INPP5A: variants seen among roughly 807,000 people sequenced by gnomAD.
INPP5A encodes inositol polyphosphate-5-phosphatase A.
Under a neutral mutation model 65.2 loss-of-function variants are expected in INPP5A, and 14 were observed. The observed-to-expected ratio is 0.21, with a 90% confidence interval of 0.14 to 0.34. INPP5A has a LOEUF of 0.34. INPP5A is among the 10% of genes least tolerant of loss of function. INPP5A has a pLI of 1.00. For synonymous variants in INPP5A, 207 were observed against 208.3 expected (o/e 0.99, Z 0.05); for missense variants, 431 against 545.6 (o/e 0.79, Z 2.09).
At chr10:132,748,059 T>A (rs1846403541) in intron 9 of INPP5A, among the ~76,000 whole-genome samples, 1 of 152,104 alleles carries the variant, frequency 6.6e-6, no homozygotes, top group African/African-American at 2.4e-5. Context: ...GCAAAAAAAT[T>A]TTTTTTATTA....
intron 2 of INPP5A, among the ~76,000 whole-genome samples, chr10:132,610,363 T>G (rs1264679752): frequency 8.7e-5 from 12 of 137,788 alleles, no homozygotes; most frequent in South Asian, 5.4e-4. Flanking sequence ...GTGATGGGGG[T>G]GGGGGGTGGG....
In INPP5A at chr10:132,681,333, A is replaced by G. The variant is rs1447731003; in HGVS notation, c.307-9059A>G. On this transcript the variant is annotated intron_variant, in intron 4 of 15. Transcript: ENST00000368594. ...AAGCTTTGTTCTTTCGCTCTTTGCA[A>G]TAAATCTTGCTACTGCTCACTCTCT... is the stretch of plus-strand genomic sequence containing the variant. Among the ~76,000 whole-genome samples the G allele has an allele frequency of 3.3e-5, 5 of 152,116 alleles. No homozygotes were observed. In the East Asian group the frequency reaches 5.8e-4, roughly 18 times the overall value.
intron 2 of INPP5A, among the ~76,000 whole-genome samples, chr10:132,624,809 A>C (rs1590875707): frequency 1.3e-5 from 2 of 149,880 alleles, no homozygotes; most frequent in Admixed American, 6.6e-5. Context: ...TCTGCTCCAC[A>C]CCCCACCCCC....
rs977303964 is a variant in INPP5A, at chr10:132,659,483, A to C, written c.306+8978A>C. ...CGCGGGTCTGGAGGCGCTGCTGTCT[A>C]AGCTGAGGCTTTTGAAGGATGACCG... On this transcript the variant is annotated intron_variant, in intron 4 of 15. Transcript: ENST00000368594. This position sits in a 1 kb window ranked among gnomAD's most constrained non-coding sequence, Gnocchi z 5.5. 1.3e-5 allele frequency among the ~76,000 whole-genome samples: 2 copies of C among 152,172 alleles called. No individual in the cohort carries two copies. Among genetic ancestry groups the C allele is most frequent in the South Asian group, 4.1e-4 (2 of 4,834 alleles).
chr10:132,773,158 G>C (rs1377912053), intron 12 of INPP5A, among the ~76,000 whole-genome samples: 2 of 152,246 alleles, frequency 1.3e-5, no homozygotes, highest in Non-Finnish European at 2.9e-5. Context: ...ACTCAGCCTT[G>C]TGTGTGCCTC....
At chr10:132,588,208 T>C (rs1003925399) in intron 1 of INPP5A, among the ~76,000 whole-genome samples, 13 of 152,212 alleles carry the variant, frequency 8.5e-5, no homozygotes, top group African/African-American at 3.1e-4. Flanking sequence ...TATTTCTGAA[T>C]TATCTCTCAT....
chr10:132,627,700 T>C lies in INPP5A; in HGVS notation c.118-18168T>C, dbSNP rs2072205405. 6.6e-6 allele frequency among the ~76,000 whole-genome samples: 1 copy of C among 152,128 alleles called. No homozygotes were observed. The highest frequency in any genetic ancestry group is 1.5e-5 in the Non-Finnish European group (1 of 68,034). ...TGGGGGTGTGAGATGGCTGGGATTA[T>C]AGTGAGAGGCGAGACAGGGGATGCA... is the stretch of plus-strand genomic sequence containing the variant. On this transcript the variant is annotated intron_variant, in intron 2 of 15. Coordinates refer to ENST00000368594, the MANE Select transcript of INPP5A (RefSeq NM_005539.5). The surrounding 1 kb of genome is among the most constrained non-coding windows in gnomAD (Gnocchi z 6.6).
At chr10:132,588,655 A>G (rs1163686424) in intron 1 of INPP5A, among the ~76,000 whole-genome samples, 1 of 152,226 alleles carries the variant, frequency 6.6e-6, no homozygotes, top group Non-Finnish European at 1.5e-5. Flanking sequence ...TGCTGCGTCT[A>G]CAGGGTTAAG....
At chr10:132,760,518 G>T in intron 11 of INPP5A, among the ~76,000 whole-genome samples, 1 of 152,254 alleles carries the variant, frequency 6.6e-6, no homozygotes. Flanking sequence ...AAGCTCTGGG[G>T]TCACTGCAGA....
chr10:132,605,526 CT>C (rs1268396794), intron 1 of INPP5A, among the ~76,000 whole-genome samples: 2 of 151,394 alleles, frequency 1.3e-5, no homozygotes, highest in East Asian at 3.9e-4. Context: ...CGTGGATCCC[CT>C]GGGGGATGTC....
At chr10:132,568,911 ATTTTTTTT>A (rs1171904388) in intron 1 of INPP5A, among the ~76,000 whole-genome samples, 1 of 129,052 alleles carries the variant, frequency 7.7e-6, no homozygotes, top group Non-Finnish European at 1.6e-5. Context: ...TCTTACCGGC[ATTTTTTTT>A]TTTTTTTTTT....
chr10:132,754,478 G>A (rs1383410802), intron 11 of INPP5A, among the ~76,000 whole-genome samples: 5 of 152,048 alleles, frequency 3.3e-5, no homozygotes, highest in Non-Finnish European at 7.4e-5. Flanking sequence ...GAGCACCTAT[G>A]GGCCTGGGGC....
At chr10:132,596,721 C>T (rs754857307) in intron 1 of INPP5A, among the ~76,000 whole-genome samples, 12 of 152,246 alleles carry the variant, frequency 7.9e-5, no homozygotes, top group Non-Finnish European at 1.3e-4. Flanking sequence ...TGAGCCACCA[C>T]GCCCGGCCCA....
At chr10:132,702,996 G>A (rs1174040945) in intron 6 of INPP5A, among the ~76,000 whole-genome samples, 1 of 151,632 alleles carries the variant, frequency 6.6e-6, no homozygotes, top group East Asian at 2.0e-4. Flanking sequence ...GTTAGGAGCG[G>A]CCTCCAGGCT....
At position 132,697,840 on chromosome 10, in the gene INPP5A, G is replaced by C; in HGVS notation, c.395G>C (p.Gly132Ala). ...FKAKKYRKVA[G>A]KEIYSDTLES... is the part of the protein sequence containing the mutation. ...GCTAAGAAGTATAGAAAGGTCGCTGGCAAAGAGATCTACTCGGATACCTTA... is the reference window on the plus strand; with the variant it reads ...GCTAAGAAGTATAGAAAGGTCGCTGCCAAAGAGATCTACTCGGATACCTTA... Residue 132 changes from glycine (G) to alanine (A), a missense_variant, in exon 6 of 16, where the codon GGC becomes GCC. Transcript: ENST00000368594. This position sits in a 1 kb window ranked among gnomAD's most constrained non-coding sequence, Gnocchi z 5.6. 1 of 1,612,804 alleles carries C rather than the reference G, an allele frequency of 6.2e-7. No homozygotes were observed. Among genetic ancestry groups the C allele is most frequent in the Non-Finnish European group, 8.5e-7 (1 of 1,179,272 alleles).
intron 5 of INPP5A, among the ~76,000 whole-genome samples, chr10:132,696,534 C>T (rs940528174): frequency 1.3e-5 from 2 of 152,164 alleles, no homozygotes; most frequent in Non-Finnish European, 2.9e-5. Context: ...ACAGAGGAGG[C>T]TGACACACCT....
intron 12 of INPP5A, among the ~76,000 whole-genome samples, chr10:132,770,459 G>T (rs1846929441): frequency 6.6e-6 from 1 of 152,240 alleles, no homozygotes; most frequent in South Asian, 2.1e-4. Flanking sequence ...CACGTCCATT[G>T]CCTGGGGGCT....
chr10:132,560,064 T>A (rs1481572981), intron 1 of INPP5A, among the ~76,000 whole-genome samples: 1 of 152,046 alleles, frequency 6.6e-6, no homozygotes, highest in East Asian at 1.9e-4. Context: ...CTCTTTCGGG[T>A]GTAGACCTGC....
Position 132,759,861 on chromosome 10 carries a change from C to A in INPP5A, c.904-5912C>A, listed in dbSNP as rs140781963. On this transcript the variant is annotated intron_variant, in intron 11 of 15. Coordinates refer to ENST00000368594, the MANE Select transcript of INPP5A (RefSeq NM_005539.5). ...AGAGTCCCCTGGGCCTGTTCTCCCT[C>A]TTCTTGTTCACGTGCCCCTTGATGC... Among the ~76,000 whole-genome samples, 418 of 152,308 alleles carry A rather than the reference C, an allele frequency of 2.7e-3. 6 individuals carry two copies. Among genetic ancestry groups the A allele is most frequent in the African/African-American group, 8.5e-3 (353 of 41,564 alleles).
Sources: allele counts gnomAD v4.1 joint callset (sites outside exome capture counted in the v4.1 genomes callset), GRCh38; gene constraint gnomAD v4.1.1; non-coding constraint Gnocchi (gnomAD v3.1); transcripts MANE v1.5; gene names NCBI Gene and HGNC (gene_info 2026-07-23, HGNC 2026-07-21).